The following CDH12 variants were observed in gnomAD, a reference collection of about 807,000 sequenced individuals.
The protein encoded by CDH12 is cadherin-12.
A neutral mutation model predicts 74.1 loss-of-function variants in CDH12; 41 were observed. That is an observed-to-expected ratio of 0.55 (90% CI 0.43 to 0.72). CDH12 has a LOEUF of 0.72. Ranked by LOEUF, CDH12 falls within the 30% of genes least tolerant of loss-of-function variation. The probability of loss-of-function intolerance (pLI) is 0.00; values close to 1 mark genes in which losing one functional copy is unlikely to be tolerated. For synonymous variants in CDH12, 399 were observed against 355.0 expected, an observed-to-expected ratio of 1.12 and a Z score of -1.39; for missense variants, 945 against 977.2, an observed-to-expected ratio of 0.97 and a Z score of 0.44.
chr5:21,893,014 C>T (rs1437924304), intron 6 of CDH12, among the ~76,000 whole-genome samples: 2 of 152,132 alleles, frequency 1.3e-5, no homozygotes, highest in African/African-American at 4.8e-5. Context: ...TAGTACATCA[C>T]GTTTGCCTTT....
At chr5:22,690,262 C>A (rs1470170176) in intron 1 of CDH12, among the ~76,000 whole-genome samples, 2 of 152,056 alleles carry the variant, frequency 1.3e-5, no homozygotes, top group Non-Finnish European at 2.9e-5. Context: ...TAAATTAAAT[C>A]TTCTTCCTGA....
intron 5 of CDH12, among the ~76,000 whole-genome samples, chr5:21,983,268 T>C (rs978562515): frequency 2.0e-5 from 3 of 152,126 alleles, no homozygotes; most frequent in African/African-American, 7.2e-5. Flanking sequence ...TGGAAATCAT[T>C]TCTCTTCATA....
intron 1 of CDH12, among the ~76,000 whole-genome samples, chr5:22,537,715 C>A (rs1238517342): frequency 6.6e-6 from 1 of 152,160 alleles, no homozygotes; most frequent in Admixed American, 6.6e-5. Context: ...TCTAAAAAAA[C>A]AATAAATACT....
chr5:22,556,982 G>C (rs1738828248), intron 1 of CDH12, among the ~76,000 whole-genome samples: 1 of 151,934 alleles, frequency 6.6e-6, no homozygotes, highest in African/African-American at 2.4e-5. Context: ...TGATCACACT[G>C]ACCAACCTCT....
At chr5:22,388,932 G>A (rs1245187030) in intron 3 of CDH12, among the ~76,000 whole-genome samples, 1 of 152,100 alleles carries the variant, frequency 6.6e-6, no homozygotes, top group Admixed American at 6.6e-5. Context: ...CAAGCAAAGT[G>A]CCACAGCTGG....
chr5:22,704,475 A>G (rs1742879320), intron 1 of CDH12, among the ~76,000 whole-genome samples: 1 of 152,170 alleles, frequency 6.6e-6, no homozygotes, highest in African/African-American at 2.4e-5. Context: ...TATTAGGGTT[A>G]TATCACTAGA....
chr5:22,627,426 TG>T (rs914605438), intron 1 of CDH12, among the ~76,000 whole-genome samples: 20 of 148,466 alleles, frequency 1.3e-4, no homozygotes, highest in African/African-American at 5.0e-4. Context: ...AGGGATTGTG[TG>T]CCTATATTCA....
At chr5:22,207,423 C>G (rs1359258976) in intron 4 of CDH12, among the ~76,000 whole-genome samples, 26 of 152,218 alleles carry the variant, frequency 1.7e-4, no homozygotes, top group African/African-American at 6.0e-4. Flanking sequence ...GGCTTTGTGG[C>G]TTGCAATCAG....
chr5:22,208,624 A>G (rs1751359567), intron 4 of CDH12, among the ~76,000 whole-genome samples: 1 of 152,204 alleles, frequency 6.6e-6, no homozygotes, highest in South Asian at 2.1e-4. Context: ...TTTCACACAG[A>G]ACATTTTTAT....
chr5:21,998,773 C>G (rs1357544205), intron 5 of CDH12, among the ~76,000 whole-genome samples: 1 of 152,112 alleles, frequency 6.6e-6, no homozygotes, highest in Non-Finnish European at 1.5e-5. Context: ...CACAGCTGGT[C>G]TCCTGAGAAG....
intron 1 of CDH12, among the ~76,000 whole-genome samples, chr5:22,682,895 G>A (rs1385490160): frequency 1.3e-5 from 2 of 151,996 alleles, no homozygotes; most frequent in African/African-American, 2.4e-5. Context: ...AAGTTAAGAA[G>A]AAAAATTCAC....
intron 2 of CDH12, among the ~76,000 whole-genome samples, chr5:22,467,519 A>T (rs1745786197): frequency 6.6e-6 from 1 of 152,134 alleles, no homozygotes; most frequent in African/African-American, 2.4e-5. Flanking sequence ...ATATATTTTA[A>T]TATTTTGTTA....
chr5:22,142,640 T>G (rs1746879342), intron 4 of CDH12: 1 of 405,160 alleles, frequency 2.5e-6, no homozygotes, highest in African/African-American at 2.1e-5. Flanking sequence ...GAACTCTGAG[T>G]TTAAGCAAAT....
At chr5:22,634,525 A>G (rs1340957061) in intron 1 of CDH12, among the ~76,000 whole-genome samples, 1 of 152,158 alleles carries the variant, frequency 6.6e-6, no homozygotes, top group East Asian at 1.9e-4. Context: ...AACATTTTCA[A>G]TGCATCAGAA....
chr5:22,324,346 A>G (rs192533154), intron 3 of CDH12, among the ~76,000 whole-genome samples: 4 of 152,166 alleles, frequency 2.6e-5, no homozygotes, highest in Non-Finnish European at 1.5e-5. Context: ...TTTATTCATG[A>G]GAAAAAGCTA....
intron 3 of CDH12, among the ~76,000 whole-genome samples, chr5:22,396,173 T>C (rs1742448640): frequency 6.6e-6 from 1 of 152,138 alleles, no homozygotes; most frequent in South Asian, 2.1e-4. Flanking sequence ...TGTCAAAATA[T>C]AAGAACCATG....
chr5:22,133,795 T>TAA (rs1746310333), intron 4 of CDH12, among the ~76,000 whole-genome samples: 1 of 109,648 alleles, frequency 9.1e-6, no homozygotes, highest in African/African-American at 4.4e-5. Context: ...GGTGAACAGT[T>TAA]AAAGTATGCT....
chr5:22,270,630 C>G (rs754097508), intron 3 of CDH12, among the ~76,000 whole-genome samples: 1 of 151,344 alleles, frequency 6.6e-6, no homozygotes. Flanking sequence ...TGTATACACA[C>G]ACACACACAT....
intron 1 of CDH12, among the ~76,000 whole-genome samples, chr5:22,770,199 C>G (rs2126307048): frequency 6.6e-6 from 1 of 151,832 alleles, no homozygotes; most frequent in Middle Eastern, 3.4e-3. Flanking sequence ...AACTGATAAA[C>G]AGGATTTGGA....
Sources: allele counts gnomAD v4.1 joint callset (sites outside exome capture counted in the v4.1 genomes callset), GRCh38; gene constraint gnomAD v4.1.1; transcripts MANE v1.5; gene names NCBI Gene and HGNC (gene_info 2026-07-23, HGNC 2026-07-21).